Variants in RASAL2 observed in about 807,000 individuals in gnomAD.
RASAL2 encodes RAS protein activator like 2.
A neutral mutation model predicts 128.9 loss-of-function variants in RASAL2; 58 were observed. The ratio of observed to expected loss-of-function variants is 0.45; its 90% CI spans 0.36 to 0.56. The LOEUF is 0.56. Among genes scored for constraint, RASAL2 ranks in the 20% least tolerant of loss-of-function variants. The pLI is 0.00. For synonymous variants in RASAL2, 561 were observed against 580.8 expected (o/e 0.97, Z 0.49); for missense variants, 1,360 against 1,601.6 (o/e 0.85, Z 2.57).
chr1:178,178,351 T>TA (rs915791801), intron 1 of RASAL2, among the ~76,000 whole-genome samples: 83 of 151,344 alleles, frequency 5.5e-4, no homozygotes, highest in Non-Finnish European at 7.4e-4. Flanking sequence ...GGGGCCAAGG[T>TA]AAAAAAAAAT....
chr1:178,466,842 T>C (rs74586711), intron 16 of RASAL2, among the ~76,000 whole-genome samples: 7,143 of 152,202 alleles, frequency 0.047, 559 homozygotes, highest in African/African-American at 0.16. Flanking sequence ...GTGGAGGTAA[T>C]TGACAGTCTT....
At chr1:178,239,458 A>T (rs937769870) in intron 1 of RASAL2, among the ~76,000 whole-genome samples, 1 of 152,102 alleles carries the variant, frequency 6.6e-6, no homozygotes, top group African/African-American at 2.4e-5. Context: ...GATGTTATAC[A>T]ACTGGCAGAA....
At chr1:178,332,239 G>A (rs1669357443) in intron 3 of RASAL2, among the ~76,000 whole-genome samples, 3 of 151,982 alleles carry the variant, frequency 2.0e-5, no homozygotes, top group South Asian at 2.1e-4. Flanking sequence ...AGTGACTCAC[G>A]CCTGTAATCC....
intron 3 of RASAL2, among the ~76,000 whole-genome samples, chr1:178,337,110 C>G (rs1395289855): frequency 6.6e-6 from 1 of 152,026 alleles, no homozygotes; most frequent in East Asian, 1.9e-4. Context: ...ACTAAGTCAT[C>G]TTAGTGGGAA....
chr1:178,400,284 T>C (rs1673532619), intron 4 of RASAL2, among the ~76,000 whole-genome samples: 1 of 152,198 alleles, frequency 6.6e-6, no homozygotes, highest in African/African-American at 2.4e-5. Context: ...TTAACAAATC[T>C]GAGAGTTCCC....
At chr1:178,095,647 G>GT (rs1323067783) in intron 1 of RASAL2, among the ~76,000 whole-genome samples, 3 of 152,148 alleles carry the variant, frequency 2.0e-5, no homozygotes, top group Non-Finnish European at 4.4e-5. Context: ...AGTACCTTAT[G>GT]TTTTTTTCTT....
Position 178,355,699 on chromosome 1 carries a change from A to G in RASAL2, c.458-34401A>G, listed in dbSNP as rs1482768942. Among the ~76,000 whole-genome samples, 3 of 152,254 alleles carry G rather than the reference A, an allele frequency of 2.0e-5. No individual in the cohort carries two copies. The East Asian group carries it at 5.8e-4, about 29-fold the overall frequency. ...TACTGAAAGTGCAAAAAGTCAAGCT[A>G]TATAAACCAACAAAGAAATTATACC... On this transcript the variant is annotated intron_variant, in intron 3 of 17. Coordinates refer to ENST00000367649, the MANE Select transcript of RASAL2 (RefSeq NM_170692.4).
At chr1:178,407,448 A>G (rs1205009124) in intron 4 of RASAL2, among the ~76,000 whole-genome samples, 1 of 152,192 alleles carries the variant, frequency 6.6e-6, no homozygotes, top group Non-Finnish European at 1.5e-5. Flanking sequence ...TTTCTCAGGT[A>G]TTTACAATCC....
At chr1:178,334,381 C>T (rs1256978460) in intron 3 of RASAL2, among the ~76,000 whole-genome samples, 2 of 151,798 alleles carry the variant, frequency 1.3e-5, no homozygotes, top group East Asian at 1.9e-4. Context: ...TCTTGTCACC[C>T]AGGCCGGAGT....
In RASAL2 at chr1:178,458,145, C is replaced by T; in HGVS notation, c.2853C>T (p.Ala951=). ...CCAGTTTGGAGAACCTAAGCACTGCCAGTTCCAGAAGCCAAAGTAACAGTG... is the reference window on the plus strand; with the variant it reads ...CCAGTTTGGAGAACCTAAGCACTGCTAGTTCCAGAAGCCAAAGTAACAGTG... ...IDSSLENLST[A]SSRSQSNSED... The change falls in exon 14 of 18, where the codon GCC becomes GCT. Residue 951 remains alanine (A), a synonymous_variant. Coordinates refer to ENST00000367649, the MANE Select transcript of RASAL2 (RefSeq NM_170692.4). 6.2e-7 allele frequency: 1 copy of T among 1,614,226 alleles called. No homozygotes were observed.
At chr1:178,216,291 G>T (rs2101994275) in intron 1 of RASAL2, among the ~76,000 whole-genome samples, 1 of 152,308 alleles carries the variant, frequency 6.6e-6, no homozygotes, top group South Asian at 2.1e-4. Flanking sequence ...GCTCGATCTT[G>T]TCGTTGATTT....
At chr1:178,154,835 T>C (rs1661029438) in intron 1 of RASAL2, among the ~76,000 whole-genome samples, 1 of 152,116 alleles carries the variant, frequency 6.6e-6, no homozygotes, top group African/African-American at 2.4e-5. Context: ...ATAATAATTA[T>C]TTTTTGAGAC....
At chr1:178,373,054 CT>C (rs1671799698) in intron 3 of RASAL2, among the ~76,000 whole-genome samples, 1 of 151,778 alleles carries the variant, frequency 6.6e-6, no homozygotes, top group Non-Finnish European at 1.5e-5. Flanking sequence ...TTTGATTTAT[CT>C]TCTATTTTCC....
intron 14 of RASAL2, among the ~76,000 whole-genome samples, chr1:178,462,662 A>G (rs1046339618): frequency 6.6e-6 from 1 of 152,128 alleles, no homozygotes. Context: ...GGATTGATCT[A>G]TTTTGTCACT....
At chr1:178,445,133 C>T (rs962768109) in intron 8 of RASAL2, among the ~76,000 whole-genome samples, 85 of 131,996 alleles carry the variant, frequency 6.4e-4, no homozygotes, top group Admixed American at 1.2e-3. Context: ...GAACTGAGAA[C>T]AGTATTTGGA....
chr1:178,385,028 A>G (rs1003554536), intron 3 of RASAL2, among the ~76,000 whole-genome samples: 1 of 152,184 alleles, frequency 6.6e-6, no homozygotes, highest in Non-Finnish European at 1.5e-5. Context: ...TACCTTTCTC[A>G]TTTAAGATAT....
At chr1:178,205,817 A>C (rs146386315) in intron 1 of RASAL2, among the ~76,000 whole-genome samples, 1 of 152,258 alleles carries the variant, frequency 6.6e-6, no homozygotes, top group African/African-American at 2.4e-5. Context: ...CTTTAGATGT[A>C]TACGTCCTCA....
intron 1 of RASAL2, among the ~76,000 whole-genome samples, chr1:178,198,434 A>G (rs1662749937): frequency 6.6e-6 from 1 of 152,138 alleles, no homozygotes; most frequent in African/African-American, 2.4e-5. Flanking sequence ...TTGTGGTTTT[A>G]TCTAACTTTG....
intron 3 of RASAL2, among the ~76,000 whole-genome samples, chr1:178,386,588 C>T (rs1160204948): frequency 6.6e-6 from 1 of 152,076 alleles, no homozygotes; most frequent in African/African-American, 2.4e-5. Flanking sequence ...AAAACTTAAC[C>T]AGGCTTTTTA....
Sources: allele counts gnomAD v4.1 joint callset (sites outside exome capture counted in the v4.1 genomes callset), GRCh38; gene constraint gnomAD v4.1.1; transcripts MANE v1.5; gene names NCBI Gene and HGNC (gene_info 2026-07-23, HGNC 2026-07-21).